Variants in VAV3 observed in about 807,000 individuals in gnomAD.
VAV3 encodes the protein guanine nucleotide exchange factor VAV3.
A neutral mutation model predicts 131.2 loss-of-function variants in VAV3; 94 were observed. The ratio of observed to expected loss-of-function variants is 0.72; its 90% CI spans 0.61 to 0.85. The LOEUF is 0.85. VAV3 is among the 40% of genes least tolerant of loss of function. VAV3 has a pLI of 0.00. For synonymous variants in VAV3, 349 were observed against 342.0 expected (o/e 1.02, Z -0.22); for missense variants, 939 against 1,002.7 (o/e 0.94, Z 0.86).
chr1:107,693,343 T>C (rs916896099), intron 17 of VAV3, among the ~76,000 whole-genome samples: 9 of 152,210 alleles, frequency 5.9e-5, no homozygotes, highest in African/African-American at 2.2e-4. Context: ...CCAAGTTGCA[T>C]AGTTTGTCTT....
intron 2 of VAV3, among the ~76,000 whole-genome samples, chr1:107,869,389 T>A (rs972302820): frequency 3.3e-5 from 5 of 152,178 alleles, no homozygotes. Context: ...GACACCTATG[T>A]TTACCAATGA....
chr1:107,720,539 G>T (rs1317274315), intron 15 of VAV3, among the ~76,000 whole-genome samples: 1 of 150,108 alleles, frequency 6.7e-6, no homozygotes, highest in Admixed American at 6.6e-5. Flanking sequence ...TTAGCCAGGT[G>T]GGGTGGCGCA....
At chr1:107,828,903 A>G (rs1321610449) in intron 2 of VAV3, among the ~76,000 whole-genome samples, 1 of 150,842 alleles carries the variant, frequency 6.6e-6, no homozygotes, top group Admixed American at 6.7e-5. Context: ...GAAAACATCA[A>G]CTTACCTCTG....
At chr1:107,796,362 C>A (rs1207406727) in intron 2 of VAV3, among the ~76,000 whole-genome samples, 1 of 152,058 alleles carries the variant, frequency 6.6e-6, no homozygotes, top group Admixed American at 6.6e-5. Flanking sequence ...GAGCAAACAG[C>A]GAACCAGTCT....
chr1:107,605,905 C>T (rs1652226953), intron 22 of VAV3, among the ~76,000 whole-genome samples: 1 of 152,194 alleles, frequency 6.6e-6, no homozygotes, highest in South Asian at 2.1e-4. Context: ...CAACCTATAG[C>T]TGCATTAATT....
At chr1:107,777,157 A>G (rs1461177585) in intron 4 of VAV3, 74 bp downstream of exon 4, 2 of 1,331,354 alleles carry the variant, frequency 1.5e-6, no homozygotes, top group Non-Finnish European at 2.2e-6. Context: ...GCTTACTTTA[A>G]CATCCACAGT....
At chr1:107,829,301 C>T (rs1668145711) in intron 2 of VAV3, among the ~76,000 whole-genome samples, 1 of 152,080 alleles carries the variant, frequency 6.6e-6, no homozygotes, top group South Asian at 2.1e-4. Flanking sequence ...AAACAATTGT[C>T]CCTCAACCAT....
chr1:107,642,525 G>A, intron 20 of VAV3, 94 bp downstream of exon 20: 1 of 1,438,972 alleles, frequency 6.9e-7, no homozygotes, highest in Non-Finnish European at 9.5e-7. Context: ...CTTTTGCTTT[G>A]CACTGTGGAC....
chr1:107,683,457 A>AT (rs1300189952), intron 19 of VAV3, 31 bp downstream of exon 19: 3 of 1,612,766 alleles, frequency 1.9e-6, no homozygotes, highest in Admixed American at 3.3e-5. Context: ...AGCTGAAGCC[A>AT]TAATTATGGA....
chr1:107,594,254 G>A (rs7537177), intron 25 of VAV3, among the ~76,000 whole-genome samples: 111,975 of 151,856 alleles, frequency 0.74, 41,507 homozygotes, highest in Middle Eastern at 0.83. Flanking sequence ...TTTCCCCATT[G>A]AAATGTAAAC....
chr1:107,904,807 C>A (rs1210690665), intron 1 of VAV3, among the ~76,000 whole-genome samples: 1 of 151,800 alleles, frequency 6.6e-6, no homozygotes. Context: ...GAGAGAGGCA[C>A]ACAATAATGA....
intron 22 of VAV3, among the ~76,000 whole-genome samples, chr1:107,604,645 A>G (rs1246298080): frequency 2.0e-5 from 3 of 152,268 alleles, no homozygotes; most frequent in Non-Finnish European, 2.9e-5. Flanking sequence ...GTCTTCTCTG[A>G]CCATACCATC....
chr1:107,695,432 C>T lies in VAV3; in HGVS notation c.1706-7026G>A, dbSNP rs138624578. Among the ~76,000 whole-genome samples, 296 of 152,062 alleles carry T rather than the reference C, an allele frequency of 1.9e-3. 1 individual carries two copies. The highest frequency in any genetic ancestry group is 6.7e-3 in the African/African-American group (279 of 41,458). On this transcript the variant is annotated intron_variant, in intron 17 of 26. Coordinates refer to ENST00000370056, the MANE Select transcript of VAV3 (RefSeq NM_006113.5). The stretch of plus-strand genomic sequence containing the variant: ...ATCCTAGAGAGACTTAGGAGGAGAG[C>T]TAAGAAGAACAGGAAAGTGAATCAA...
intron 20 of VAV3, among the ~76,000 whole-genome samples, chr1:107,641,133 G>C (rs1381159331): frequency 1.3e-5 from 2 of 152,222 alleles, no homozygotes; most frequent in East Asian, 3.9e-4. Flanking sequence ...TGGAAGGAGT[G>C]GGATACTTAA....
chr1:107,774,629 C>T (rs949898314), intron 4 of VAV3, among the ~76,000 whole-genome samples: 4 of 152,192 alleles, frequency 2.6e-5, no homozygotes, highest in South Asian at 2.1e-4. Flanking sequence ...CACCTACATA[C>T]GGGCATGTCT....
At chr1:107,901,944 G>C (rs1335766233) in intron 1 of VAV3, among the ~76,000 whole-genome samples, 1 of 152,018 alleles carries the variant, frequency 6.6e-6, no homozygotes, top group Non-Finnish European at 1.5e-5. Context: ...TCGGGAGGCT[G>C]AGGGAGGAGA....
intron 1 of VAV3, among the ~76,000 whole-genome samples, chr1:107,931,304 A>G (rs1351686741): frequency 6.6e-6 from 1 of 152,250 alleles, no homozygotes; most frequent in Non-Finnish European, 1.5e-5. Flanking sequence ...CAAAAACAGC[A>G]TGATGCCTGG....
chr1:107,952,391 C>A (rs1674581934), intron 1 of VAV3, among the ~76,000 whole-genome samples: 1 of 150,188 alleles, frequency 6.7e-6, no homozygotes, highest in Admixed American at 6.7e-5. Context: ...ATGAAATAAT[C>A]TGCACAATAA....
intron 1 of VAV3, among the ~76,000 whole-genome samples, chr1:107,952,001 G>A (rs1674558759): frequency 6.6e-6 from 1 of 152,084 alleles, no homozygotes; most frequent in South Asian, 2.1e-4. Context: ...AACTGTTCTA[G>A]TATAAAGACA....
Sources: gnomAD v4.1 joint callset for allele counts (sites outside exome capture counted in the v4.1 genomes callset) on GRCh38, gnomAD v4.1.1 for gene constraint, MANE v1.5 for transcripts, NCBI Gene and HGNC (gene_info 2026-07-23, HGNC 2026-07-21) for gene names.